The following TIMP2 variants were observed in gnomAD, a reference collection of about 807,000 sequenced individuals.
The protein encoded by TIMP2 is TIMP metallopeptidase inhibitor 2.
In TIMP2, 5 loss-of-function variants were observed where a neutral mutation model predicts 24.3. The observed-to-expected ratio is 0.21, with a 90% CI of 0.11 to 0.43. The LOEUF is 0.43. Ranked by LOEUF, TIMP2 falls within the 20% of genes least tolerant of loss-of-function variation. The probability of loss-of-function intolerance (pLI) is 1.00; values close to 1 mark genes in which losing one functional copy is unlikely to be tolerated. For synonymous variants in TIMP2, 130 were observed against 123.2 expected (o/e 1.06, Z -0.37); for missense variants, 221 against 297.5 (o/e 0.74, Z 1.89).
intron 1 of TIMP2, chr17:78,892,023 C>A: frequency 6.4e-7 from 1 of 1,550,714 alleles, no homozygotes; most frequent in Non-Finnish European, 8.7e-7. Context: ...GGGGGCCTGG[C>A]TGATCTTCGC....
chr17:78,906,610 T>C (rs1354079782), intron 1 of TIMP2, among the ~76,000 whole-genome samples: 1 of 152,052 alleles, frequency 6.6e-6, no homozygotes, highest in East Asian at 1.9e-4. Context: ...TGAGACAGAG[T>C]CTCGCTCTGT....
intron 1 of TIMP2, among the ~76,000 whole-genome samples, chr17:78,903,476 C>T (rs1388108888): frequency 6.6e-6 from 1 of 152,156 alleles, no homozygotes; most frequent in Non-Finnish European, 1.5e-5. Flanking sequence ...GGAGACCTCC[C>T]AGGGTGTCAT....
At chr17:78,887,072 C>A (rs953947039) in intron 1 of TIMP2, among the ~76,000 whole-genome samples, 1 of 152,146 alleles carries the variant, frequency 6.6e-6, no homozygotes, top group Non-Finnish European at 1.5e-5. Context: ...CAACAGAGAC[C>A]TAAGCTACTA....
intron 3 of TIMP2, among the ~76,000 whole-genome samples, chr17:78,860,237 C>T (rs898919526): frequency 6.6e-6 from 1 of 152,100 alleles, no homozygotes; most frequent in Admixed American, 6.6e-5. Flanking sequence ...ACAACAGCCC[C>T]TTGTGAAGAG....
chr17:78,873,436 G>A (rs907313774), intron 2 of TIMP2, among the ~76,000 whole-genome samples: 1 of 152,036 alleles, frequency 6.6e-6, no homozygotes, highest in African/African-American at 2.4e-5. Flanking sequence ...GAATAGCTGG[G>A]ACCACAGGTG....
chr17:78,885,563 A>G (rs184222701), intron 1 of TIMP2, among the ~76,000 whole-genome samples: 125 of 152,242 alleles, frequency 8.2e-4, no homozygotes, highest in African/African-American at 2.9e-3. Context: ...ACATAGCCCT[A>G]TGAGGTGCCT....
chr17:78,911,929 T>C (rs994547580), intron 1 of TIMP2, among the ~76,000 whole-genome samples: 1 of 143,736 alleles, frequency 7.0e-6, no homozygotes, highest in Non-Finnish European at 1.5e-5. Context: ...CTGGGCATGG[T>C]GGCACACGCC....
chr17:78,866,895 G>A lies in TIMP2; in HGVS notation c.340+4003C>T, dbSNP rs377466459. Among the ~76,000 whole-genome samples, 65 of 152,258 alleles carry A rather than the reference G, an allele frequency of 4.3e-4. No individual in the cohort carries two copies. The South Asian group carries it at 0.013, about 31-fold the overall frequency. Reference sequence around the variant, plus strand: ...GGGGAGGGGGAGGGGAGTCAGGAGGGTAATAGCTCAAGAATACAGGATTTC... The same window carrying A: ...GGGGAGGGGGAGGGGAGTCAGGAGGATAATAGCTCAAGAATACAGGATTTC... On this transcript the variant is annotated intron_variant, in intron 3 of 4. Transcript: ENST00000262768.
chr17:78,884,096 C>G (rs897202814), intron 1 of TIMP2, among the ~76,000 whole-genome samples: 1 of 152,244 alleles, frequency 6.6e-6, no homozygotes, highest in African/African-American at 2.4e-5. Flanking sequence ...AAACCCTAAG[C>G]CAGAGCCGGA....
At chr17:78,870,416 A>C (rs2069668820) in intron 3 of TIMP2, among the ~76,000 whole-genome samples, 1 of 55,070 alleles carries the variant, frequency 1.8e-5, no homozygotes, top group Admixed American at 2.3e-4. Context: ...ACTCTGTCTC[A>C]AAAAAAAAGA....
rs1360985264 is a variant in TIMP2, at chr17:78,891,986, GC to G, written c.131-18068del. On this transcript the variant is annotated intron_variant, in intron 1 of 4. Coordinates refer to ENST00000262768, the MANE Select transcript of TIMP2 (RefSeq NM_003255.5). The surrounding 1 kb of genome is among the most constrained non-coding windows in gnomAD (Gnocchi z 4.5). ...CCTGCAACTCCTCTCTTCACTAAGG[GC>G]TGCTCTATGCTTCTCCTTGGCCCTC... 6 of 1,550,662 alleles carry G rather than the reference GC, an allele frequency of 3.9e-6. No homozygotes were observed. The highest frequency in any genetic ancestry group is 8.7e-7 in the Non-Finnish European group (1 of 1,147,014).
Position 78,891,874 on chromosome 17 carries a change from C to T in TIMP2, c.131-17955G>A, listed in dbSNP as rs1037234759. On this transcript the variant is annotated intron_variant, in intron 1 of 4. Transcript: ENST00000262768. The surrounding 1 kb of genome is among the most constrained non-coding windows in gnomAD (Gnocchi z 4.5). ...GGGCCAGGTGAGAATTCATCCGACC[C>T]GTGGCTTTTGTAGTCTGTGGTTTCT... is the stretch of plus-strand genomic sequence containing the variant. The T allele has an allele frequency of 1.2e-5, 18 of 1,550,540 alleles. No homozygotes were observed. The highest frequency in any genetic ancestry group is 6.8e-5 in the African/African-American group (5 of 73,048).
intron 1 of TIMP2, among the ~76,000 whole-genome samples, chr17:78,909,177 G>T (rs1176133174): frequency 2.6e-5 from 4 of 152,048 alleles, no homozygotes; most frequent in African/African-American, 9.7e-5. Context: ...GCAAGATCTG[G>T]TTTCTAAACA....
chr17:78,873,727 G>T, intron 2 of TIMP2, 92 bp downstream of exon 2: 3 of 1,010,536 alleles, frequency 3.0e-6, no homozygotes, highest in Non-Finnish European at 3.0e-6. Flanking sequence ...CAGGTGGCCA[G>T]ATCGTGTTCC....
chr17:78,881,370 G>A (rs2069778738), intron 1 of TIMP2, among the ~76,000 whole-genome samples: 1 of 152,190 alleles, frequency 6.6e-6, no homozygotes, highest in South Asian at 2.1e-4. Context: ...GAGTCGGGTG[G>A]GGGCTTCACA....
At chr17:78,904,600 C>T (rs2070140566) in intron 1 of TIMP2, 1 of 152,246 alleles carries the variant, frequency 6.6e-6, no homozygotes, top group East Asian at 1.9e-4. Context: ...CCTACCCCCG[C>T]CCACTTTTGG....
At chr17:78,918,078 A>ACACACACACACGCGCG (rs1555652978) in intron 1 of TIMP2, among the ~76,000 whole-genome samples, 3 of 149,144 alleles carry the variant, frequency 2.0e-5, no homozygotes, top group Admixed American at 6.6e-5. Flanking sequence ...ACACACACAC[A>ACACACACACACGCGCG]CACACACACA....
At chr17:78,911,558 G>T (rs1003152472) in intron 1 of TIMP2, among the ~76,000 whole-genome samples, 13 of 152,056 alleles carry the variant, frequency 8.5e-5, no homozygotes, top group African/African-American at 3.1e-4. Context: ...CTCCCGAGTA[G>T]CTGGGATTAC....
Position 78,891,633 on chromosome 17 carries a change from C to G in TIMP2, c.131-17714G>C. ...TGTCCCTGAGAGCGACTGGTCAGGG[C>G]TGGAACAAAGCAAACTGCCCCCTTT... On this transcript the variant is annotated intron_variant, in intron 1 of 4. Transcript: ENST00000262768. The surrounding 1 kb of genome is among the most constrained non-coding windows in gnomAD (Gnocchi z 4.5). The G allele has an allele frequency of 6.4e-7, 1 of 1,550,970 alleles. No homozygotes were observed. The highest frequency in any genetic ancestry group is 8.7e-7 in the Non-Finnish European group (1 of 1,147,096).
Sources: allele counts gnomAD v4.1 joint callset (sites outside exome capture counted in the v4.1 genomes callset), GRCh38; gene constraint gnomAD v4.1.1; non-coding constraint Gnocchi (gnomAD v3.1); transcripts MANE v1.5; gene names NCBI Gene and HGNC (gene_info 2026-07-23, HGNC 2026-07-21).